Variants in NRXN1 observed in about 807,000 individuals in gnomAD.
The protein encoded by NRXN1 is neurexin-1.
NRXN1 carries 39 observed loss-of-function variants against 150.9 expected under a neutral mutation model. That is an observed-to-expected ratio of 0.26 (90% CI 0.20 to 0.34). NRXN1 has a LOEUF of 0.34. Ranked by LOEUF, NRXN1 falls within the 10% of genes least tolerant of loss-of-function variation. The pLI, the probability that NRXN1 is intolerant of heterozygous loss-of-function variation, is 1.00. For missense variants in NRXN1, 1,815 were observed against 1,949.9 expected (o/e 0.93, Z 1.30); for synonymous variants, 924 against 757.0 (o/e 1.22, Z -3.62).
chr2:50,888,738 C>A (rs536138513), intron 5 of NRXN1, among the ~76,000 whole-genome samples: 3 of 151,710 alleles, frequency 2.0e-5, no homozygotes, highest in East Asian at 3.9e-4. Context: ...AATAATCATA[C>A]AAAATCAGAA....
intron 5 of NRXN1, among the ~76,000 whole-genome samples, chr2:50,793,667 G>C (rs1706386416): frequency 6.6e-6 from 1 of 152,034 alleles, no homozygotes; most frequent in Admixed American, 6.6e-5. Context: ...GCCTTGGGCA[G>C]GGTAAACAGA....
At chr2:50,150,695 C>T (rs1009970951) in intron 18 of NRXN1, among the ~76,000 whole-genome samples, 4 of 151,672 alleles carry the variant, frequency 2.6e-5, no homozygotes, top group African/African-American at 9.7e-5. Flanking sequence ...CTCAGTATCA[C>T]ATTTATCTTC....
At chr2:50,498,645 A>T (rs555963577) in intron 13 of NRXN1, among the ~76,000 whole-genome samples, 1 of 152,264 alleles carries the variant, frequency 6.6e-6, no homozygotes, top group East Asian at 1.9e-4. Flanking sequence ...TTATCTCCAG[A>T]GTGATCATTT....
At chr2:50,571,517 C>T (rs1670657890) in intron 8 of NRXN1, among the ~76,000 whole-genome samples, 1 of 152,018 alleles carries the variant, frequency 6.6e-6, no homozygotes, top group Admixed American at 6.6e-5. Context: ...ATTCTCCTAC[C>T]CACTGAATCT....
At chr2:50,574,701 C>T (rs1235403569) in intron 8 of NRXN1, among the ~76,000 whole-genome samples, 1 of 152,146 alleles carries the variant, frequency 6.6e-6, no homozygotes, top group Non-Finnish European at 1.5e-5. Context: ...ATTAATTATT[C>T]CCCTATGCTG....
At chr2:50,745,623 T>G (rs1396042479) in intron 5 of NRXN1, among the ~76,000 whole-genome samples, 4 of 152,092 alleles carry the variant, frequency 2.6e-5, no homozygotes, top group Non-Finnish European at 1.5e-5. Flanking sequence ...GAGGTTTAAT[T>G]GATTCACAGA....
intron 18 of NRXN1, among the ~76,000 whole-genome samples, chr2:50,215,430 C>T (rs57241326): frequency 6.6e-6 from 1 of 151,974 alleles, no homozygotes; most frequent in Non-Finnish European, 1.5e-5. Context: ...ATAAATATTA[C>T]AGCTTCCTGT....
intron 18 of NRXN1, among the ~76,000 whole-genome samples, chr2:50,155,771 G>A (rs1056249636): frequency 4.0e-5 from 6 of 151,496 alleles, no homozygotes; most frequent in Admixed American, 2.6e-4. Context: ...CATAAAATAA[G>A]TATGGTGTAT....
At chr2:50,209,426 C>T (rs759294904) in intron 18 of NRXN1, among the ~76,000 whole-genome samples, 4 of 152,146 alleles carry the variant, frequency 2.6e-5, no homozygotes, top group Non-Finnish European at 4.4e-5. Context: ...TACAGTCTAA[C>T]TCCATGACGT....
chr2:50,596,311 G>C (rs578204213), intron 8 of NRXN1, among the ~76,000 whole-genome samples: 5 of 144,848 alleles, frequency 3.5e-5, no homozygotes, highest in Admixed American at 1.4e-4. Context: ...TCCTTTCTCA[G>C]ATCTTCTCTT....
chr2:50,437,753 T>C (rs2085570269), intron 17 of NRXN1, among the ~76,000 whole-genome samples: 2 of 152,070 alleles, frequency 1.3e-5, no homozygotes, highest in Non-Finnish European at 2.9e-5. Context: ...GGGAAGATTT[T>C]CTAAATTACT....
intron 8 of NRXN1, among the ~76,000 whole-genome samples, chr2:50,570,392 T>C (rs1227615550): frequency 6.6e-6 from 1 of 152,198 alleles, no homozygotes; most frequent in African/African-American, 2.4e-5. Context: ...ACCTTATTAA[T>C]TGCTATTAGT....
At chr2:50,734,303 AGAATGG>A (rs1431105469) in intron 5 of NRXN1, among the ~76,000 whole-genome samples, 27 of 152,298 alleles carry the variant, frequency 1.8e-4, no homozygotes, top group African/African-American at 6.5e-4. Context: ...AGGTAGCAAC[AGAATGG>A]TGCATGCTAG....
intron 19 of NRXN1, among the ~76,000 whole-genome samples, chr2:50,083,722 T>C (rs1698323895): frequency 6.6e-6 from 1 of 152,156 alleles, no homozygotes; most frequent in Non-Finnish European, 1.5e-5. Context: ...AGCTGACTGG[T>C]CCGTTTTGAG....
Position 50,084,248 on chromosome 2 carries a change from G to A in NRXN1, c.3718+7075C>T, listed in dbSNP as rs571940632. Among the ~76,000 whole-genome samples, 17 of 152,334 alleles carry A rather than the reference G, an allele frequency of 1.1e-4. No homozygotes were observed. The South Asian group carries it at 3.3e-3, about 30-fold the overall frequency. ...GGCGCCATGCCCTTGCGCGGTGGAT[G>A]AGACTGGGTGCCGCGGAGCAGGGGG... is the stretch of plus-strand genomic sequence containing the variant. On this transcript the variant is annotated intron_variant, in intron 19 of 22. Transcript: ENST00000401669.
intron 2 of NRXN1, among the ~76,000 whole-genome samples, chr2:51,021,800 T>A (rs532244301): frequency 1.3e-5 from 2 of 152,190 alleles, no homozygotes; most frequent in South Asian, 4.1e-4. Context: ...AAGTAAATGG[T>A]ATCTTCAATA....
intron 17 of NRXN1, among the ~76,000 whole-genome samples, chr2:50,448,321 C>T (rs527865543): frequency 6.6e-6 from 1 of 152,196 alleles, no homozygotes; most frequent in East Asian, 1.9e-4. Context: ...TCACTTTCTC[C>T]CTCCAATTAA....
At chr2:50,619,145 C>T (rs370218013) in intron 8 of NRXN1, 1 of 152,082 alleles carries the variant, frequency 6.6e-6, no homozygotes, top group African/African-American at 2.4e-5. Context: ...CCAAGTACAT[C>T]ACTGCTTACC....
rs577644194 is a variant in NRXN1 at position 50,369,098 on chromosome 2, C to A, written c.3364+96344G>T. Reference sequence around the variant, plus strand: ...AAATAACTCATCGCCAAGTACCTTCCCAGGGAGTCAGGTAACCACTAATAA... The same window carrying A: ...AAATAACTCATCGCCAAGTACCTTCACAGGGAGTCAGGTAACCACTAATAA... On this transcript the variant is annotated intron_variant, in intron 17 of 22. Coordinates refer to ENST00000401669, the MANE Select transcript of NRXN1 (RefSeq NM_001330078.2). 5.9e-5 allele frequency among the ~76,000 whole-genome samples: 9 copies of A among 151,896 alleles called. No homozygotes were observed. The South Asian group carries it at 1.0e-3, about 18-fold the overall frequency.
Sources: gnomAD v4.1 joint callset for allele counts (sites outside exome capture counted in the v4.1 genomes callset) on GRCh38, gnomAD v4.1.1 for gene constraint, MANE v1.5 for transcripts, NCBI Gene and HGNC (gene_info 2026-07-23, HGNC 2026-07-21) for gene names.